The following ATF5 variants were observed in gnomAD, a reference collection of about 807,000 sequenced individuals.
ATF5 encodes the protein activating transcription factor 5, also known as cyclic AMP-dependent transcription factor ATF-5.
ATF5 carries 6 observed loss-of-function variants against 4.6 expected under a neutral mutation model. The ratio of observed to expected loss-of-function variants is 1.31; its 90% CI spans 0.72 to 2.59. The LOEUF (loss-of-function observed/expected upper bound fraction) is 2.59. Among genes scored for constraint, ATF5 ranks in the 30% most tolerant of loss-of-function variants. The pLI is 0.00. For synonymous variants in ATF5, 193 were observed against 165.0 expected, an observed-to-expected ratio of 1.17 and a Z score of -1.30; for missense variants, 410 against 368.7, an observed-to-expected ratio of 1.11 and a Z score of -0.92.
chr19:49,930,871 G>A lies in ATF5; in HGVS notation c.21G>A (p.Leu7=). Residue 7 remains leucine, a synonymous_variant, in exon 2 of 3, where the codon CTG becomes CTA. Coordinates refer to ENST00000423777, the MANE Select transcript of ATF5 (RefSeq NM_001193646.2). ...CAGCCATGTCACTCCTGGCGACCCT[G>A]GGGCTGGAGCTGGACAGGGCCCTGC... MSLLAT[L]GLELDRALLP... The A allele has an allele frequency of 6.3e-7, 1 of 1,597,986 alleles. No homozygotes were observed. The highest frequency in any genetic ancestry group is 8.5e-7 in the Non-Finnish European group (1 of 1,170,778).
At chr19:49,932,329 C>T (rs958796590) in intron 2 of ATF5, 93 bp from the exon 3 acceptor site, 29 of 1,191,328 alleles carry the variant, frequency 2.4e-5, no homozygotes, top group Non-Finnish European at 3.3e-5. Context: ...ATGAATGGGA[C>T]AGATGCACCT....
rs916048080 is a variant in ATF5 at position 49,933,316 on chromosome 19, C to T, written c.*224C>T. Reference sequence around the variant, plus strand: ...TCTCTATTAAAAAAAAAAAATCAACCCTTCTTCCCCACCAAACCACCCAAC... The same window carrying T: ...TCTCTATTAAAAAAAAAAAATCAACTCTTCTTCCCCACCAAACCACCCAAC... On this transcript the variant is annotated 3_prime_UTR_variant, in exon 3 of 3. Coordinates refer to ENST00000423777, the MANE Select transcript of ATF5 (RefSeq NM_001193646.2). 6.7e-6 allele frequency: 3 copies of T among 450,264 alleles called. No homozygotes were observed. Among genetic ancestry groups the T allele is most frequent in the African/African-American group, 4.0e-5 (2 of 50,248 alleles). 27.9% of individuals were successfully genotyped at this position (450,264 alleles called of 1,614,324 possible). A position where few individuals can be genotyped will look rare whatever the true frequency, so the allele number is the denominator to read the frequency against.
chr19:49,931,935 T>C (rs1019282445), intron 2 of ATF5, among the ~76,000 whole-genome samples: 21 of 152,024 alleles, frequency 1.4e-4, no homozygotes, highest in African/African-American at 4.3e-4. Context: ...GATGTTGGAA[T>C]GGTTGAAGAA....
chr19:49,932,495 C>G lies in ATF5; in HGVS notation c.252C>G (p.Pro84=), dbSNP rs1454327997. The part of the protein sequence containing the change: ...TALLPLEPPL[P]PGTLPQPSPT... The stretch of plus-strand genomic sequence containing the variant: ...TCCTCCCTCTGGAGCCTCCCTTACC[C>G]CCCGGCACCCTCCCCCAACCTTCCC... Residue 84 remains proline (P), a synonymous_variant, in exon 3 of 3, where the codon CCC becomes CCG. Coordinates refer to ENST00000423777, the MANE Select transcript of ATF5 (RefSeq NM_001193646.2). The G allele has an allele frequency of 6.2e-7, 1 of 1,608,276 alleles. No homozygotes were observed. Among genetic ancestry groups the G allele is most frequent in the Non-Finnish European group, 8.5e-7 (1 of 1,176,184 alleles).
intron 2 of ATF5, among the ~76,000 whole-genome samples, chr19:49,931,392 C>A (rs1174012687): frequency 6.6e-6 from 1 of 152,132 alleles, no homozygotes; most frequent in Non-Finnish European, 1.5e-5. Context: ...GCATGATGGC[C>A]TGTAATCCCA....
rs1600594195 is a variant in ATF5, at chr19:49,933,144, T to C, written c.*52T>C. 3.4e-6 allele frequency: 5 copies of C among 1,481,456 alleles called. No homozygotes were observed. The highest frequency in any genetic ancestry group is 9.0e-7 in the Non-Finnish European group (1 of 1,108,758). 91.8% of individuals were successfully genotyped at this position (1,481,456 alleles called of 1,614,324 possible). A position where few individuals can be genotyped will look rare whatever the true frequency, so the allele number is the denominator to read the frequency against. On this transcript the variant is annotated 3_prime_UTR_variant, in exon 3 of 3. Transcript: ENST00000423777. ...CTGGTCTTCAGCTCTGGCGCCTTCA[T>C]CCCCCTGCCTCTACCTTCATTCCAA...
chr19:49,932,349 G>A (rs1842893140), intron 2 of ATF5, 73 bp from the exon 3 acceptor site: 7 of 1,450,946 alleles, frequency 4.8e-6, no homozygotes, highest in East Asian at 2.3e-5. Flanking sequence ...TGAATGAGAC[G>A]TGAGTCAGCA....
Position 49,932,604 on chromosome 19 carries a change from C to CCCCAG in ATF5, c.364_365insAGCCC (p.Leu122GlnfsTer104). On this transcript the variant is annotated frameshift_variant, in exon 3 of 3. Transcript: ENST00000423777. LOFTEE classifies it low-confidence loss of function (END_TRUNC). ...GGAAGACTTCTTCCTAGATGCCCCGCCCCTCCCACCACCCTCCCCGCCGCC... is the reference window on the plus strand; with the variant it reads ...GGAAGACTTCTTCCTAGATGCCCCGCCCCAGCCCTCCCACCACCCTCCCCGCCGCC... 1 of 1,563,094 alleles carries CCCCAG rather than the reference C, an allele frequency of 6.4e-7. No individual in the cohort carries two copies. The highest frequency in any genetic ancestry group is 8.7e-7 in the Non-Finnish European group (1 of 1,154,566).
chr19:49,931,012 G>T lies in ATF5; in HGVS notation c.162G>T (p.Gly54=). 6.4e-7 allele frequency: 1 copy of T among 1,551,324 alleles called. No individual in the cohort carries two copies. The highest frequency in any genetic ancestry group is 2.3e-5 in the East Asian group (1 of 42,876). The change falls in exon 2 of 3, where the codon GGG becomes GGT. Residue 54 remains glycine, a synonymous_variant. Coordinates refer to ENST00000423777, the MANE Select transcript of ATF5 (RefSeq NM_001193646.2). ...GGALEGGLPV[G]GEPLAGDGFS... is the part of the protein sequence containing the mutation. Reference sequence around the variant, plus strand: ...CCCTGGAGGGCGGGCTTCCAGTGGGGGGAGAGCCCCTGGCAGGTAAGGGCA... The same window carrying T: ...CCCTGGAGGGCGGGCTTCCAGTGGGTGGAGAGCCCCTGGCAGGTAAGGGCA...
rs199827856 is a variant in ATF5, at chr19:49,931,025, G to A, written c.175G>A (p.Ala59Thr). The change falls in exon 2 of 3, where the codon GCA (alanine) becomes ACA (threonine). Residue 59 changes from alanine to threonine, a missense_variant. Physicochemically the swap from Ala to Thr is moderately conservative, Grantham distance 58. Transcript: ENST00000423777. ...GGLPVGGEPL[A>T]GDGFSDWMTE... ...GCTTCCAGTGGGGGGAGAGCCCCTGGCAGGTAAGGGCAGGTGGAAGGTGGA... is the reference window on the plus strand; with the variant it reads ...GCTTCCAGTGGGGGGAGAGCCCCTGACAGGTAAGGGCAGGTGGAAGGTGGA... 1,151 of 1,528,530 alleles carry A rather than the reference G, an allele frequency of 7.5e-4. 10 individuals are homozygous for A. Among genetic ancestry groups the A allele is most frequent in the Non-Finnish European group, 8.5e-4 (961 of 1,133,674 alleles). 94.7% of individuals were successfully genotyped at this position (1,528,530 alleles called of 1,614,324 possible). A position where few individuals can be genotyped will look rare whatever the true frequency, so the allele number is the denominator to read the frequency against.
Position 49,929,265 on chromosome 19 carries a change from G to A in ATF5, c.-255G>A, listed in dbSNP as rs2076002845. 6.5e-6 allele frequency: 1 copy of A among 153,504 alleles called. No individual in the cohort carries two copies. Among genetic ancestry groups the A allele is most frequent in the Non-Finnish European group, 1.4e-5 (1 of 69,058 alleles). 9.5% of individuals were successfully genotyped at this position (153,504 alleles called of 1,614,324 possible). ...CAGTGTCGCCGCCTCTGCCTGCGTA[G>A]CCCCGGCCATGGCTCTGTAGCCTCG... On this transcript the variant is annotated 5_prime_UTR_variant, in exon 1 of 3. Transcript: ENST00000423777.
rs762273134 is a variant in ATF5, at chr19:49,933,044, G to A, written c.801G>A (p.Leu267=). 1.2e-6 allele frequency: 2 copies of A among 1,607,134 alleles called. No homozygotes were observed. Among genetic ancestry groups the A allele is most frequent in the South Asian group, 2.2e-5 (2 of 90,852 alleles). Residue 267 remains leucine, a synonymous_variant, in exon 3 of 3, where the codon CTG becomes CTA. Coordinates refer to ENST00000423777, the MANE Select transcript of ATF5 (RefSeq NM_001193646.2). ...VEREIQYVKD[L]LIEVYKARSQ... ...GCGAGATCCAGTACGTCAAGGACCT[G>A]CTCATCGAGGTTTACAAGGCCCGGA... is the stretch of plus-strand genomic sequence containing the variant.
At position 49,933,343 on chromosome 19, in the gene ATF5, C is replaced by T. The variant is rs2076086933; in HGVS notation, c.*251C>T. ...TTCTTCCCCACCAAACCACCCAACT[C>T]CTCTCTACTCTTATCCTTTTATCCT... On this transcript the variant is annotated 3_prime_UTR_variant, in exon 3 of 3. Transcript: ENST00000423777. 1 of 426,764 alleles carries T rather than the reference C, an allele frequency of 2.3e-6. No homozygotes were observed. Among genetic ancestry groups the T allele is most frequent in the Non-Finnish European group, 4.2e-6 (1 of 240,854 alleles). The allele number at this position is 426,764 out of a possible 1,614,324, so 26.4% of individuals were successfully genotyped here. A position where few individuals can be genotyped will look rare whatever the true frequency, so the allele number is the denominator to read the frequency against.
intron 1 of ATF5, chr19:49,929,840 G>C (rs899094639): frequency 2.0e-5 from 3 of 152,286 alleles, no homozygotes; most frequent in African/African-American, 7.2e-5. Flanking sequence ...TCGGCGCAGA[G>C]CCGCGTGTGG....
Position 49,932,576 on chromosome 19 carries a change from G to C in ATF5, c.333G>C (p.Gln111His). The change falls in exon 3 of 3, where the codon CAG becomes CAC. Residue 111 changes from glutamine to histidine, a missense_variant. Coordinates refer to ENST00000423777, the MANE Select transcript of ATF5 (RefSeq NM_001193646.2). ...CCCTCCTCAAGAAGGAGCTGGAACA[G>C]ATGGAAGACTTCTTCCTAGATGCCC... ...MASLLKKELE[Q>H]MEDFFLDAPP... The C allele has an allele frequency of 6.7e-7, 1 of 1,498,602 alleles. No individual in the cohort carries two copies. Among genetic ancestry groups the C allele is most frequent in the Non-Finnish European group, 9.0e-7 (1 of 1,116,816 alleles). The allele number at this position is 1,498,602 out of a possible 1,614,324, so 92.8% of individuals were successfully genotyped here.
intron 2 of ATF5, among the ~76,000 whole-genome samples, chr19:49,932,007 A>AT (rs899327391): frequency 7.4e-5 from 11 of 148,554 alleles, no homozygotes; most frequent in African/African-American, 1.2e-4. Context: ...TTCTTTTTTA[A>AT]TTTTTTTTTT....
intron 1 of ATF5, 79 bp from the exon 2 acceptor site, chr19:49,930,653 G>T: frequency 2.4e-6 from 1 of 425,450 alleles, no homozygotes; most frequent in South Asian, 6.8e-5. Context: ...GTGCCTGGGG[G>T]TGTGGCTTGG....
Position 49,933,344 on chromosome 19 carries a change from C to T in ATF5, c.*252C>T, listed in dbSNP as rs2076086954. 1 of 426,256 alleles carries T rather than the reference C, an allele frequency of 2.3e-6. No homozygotes were observed. The allele number at this position is 426,256 out of a possible 1,614,324, so 26.4% of individuals were successfully genotyped here. ...TCTTCCCCACCAAACCACCCAACTC[C>T]TCTCTACTCTTATCCTTTTATCCTC... is the stretch of plus-strand genomic sequence containing the variant. On this transcript the variant is annotated 3_prime_UTR_variant, in exon 3 of 3. Coordinates refer to ENST00000423777, the MANE Select transcript of ATF5 (RefSeq NM_001193646.2).
chr19:49,931,270 G>A (rs2076059763), intron 2 of ATF5: 1 of 407,702 alleles, frequency 2.5e-6, no homozygotes. Flanking sequence ...AAAACACCTA[G>A]CAGCTGAGCT....
Sources: allele counts gnomAD v4.1 joint callset (sites outside exome capture counted in the v4.1 genomes callset), GRCh38; gene constraint gnomAD v4.1.1; transcripts MANE v1.5; gene names NCBI Gene and HGNC (gene_info 2026-07-23, HGNC 2026-07-21).